Variants in SLC38A8 observed in about 807,000 individuals in gnomAD.
SLC38A8 encodes solute carrier family 38 member 8, also known as amino acid transporter SLC38A8.
SLC38A8 carries 65 observed loss-of-function variants against 46.0 expected under a neutral mutation model. The observed-to-expected ratio is 1.41, with a 90% CI of 1.16 to 1.74. SLC38A8 has a LOEUF of 1.74. SLC38A8 is among the 40% of genes most tolerant of loss of function. The pLI, the probability that SLC38A8 is intolerant of heterozygous loss-of-function variation, is 0.00. For missense variants in SLC38A8, 998 were observed against 567.9 expected (o/e 1.76, Z -7.70); for synonymous variants, 447 against 243.7 (o/e 1.83, Z -7.77).
At chr16:84,023,383 C>A (rs561135398) in intron 6 of SLC38A8, among the ~76,000 whole-genome samples, 93 of 152,158 alleles carry the variant, frequency 6.1e-4, no homozygotes, top group Non-Finnish European at 1.1e-3. Context: ...AAAAGCACCC[C>A]TCTGCACAAA....
intron 2 of SLC38A8, 110 bp downstream of exon 2, chr16:84,041,859 G>A (rs2085370578): frequency 3.1e-6 from 3 of 961,582 alleles, no homozygotes; most frequent in Admixed American, 2.5e-5. Context: ...AAACCCCGAA[G>A]CTATAGCTTA....
At chr16:84,021,901 T>A (rs937123867) in intron 7 of SLC38A8, among the ~76,000 whole-genome samples, 11 of 152,196 alleles carry the variant, frequency 7.2e-5, no homozygotes, top group Non-Finnish European at 1.5e-4. Flanking sequence ...GCGCAGAGTG[T>A]CACATGGCAA....
At chr16:84,033,074 T>G (rs991957480) in intron 4 of SLC38A8, among the ~76,000 whole-genome samples, 1 of 152,088 alleles carries the variant, frequency 6.6e-6, no homozygotes, top group African/African-American at 2.4e-5. Flanking sequence ...TCTCTCTCTC[T>G]GCAGCCATGT....
intron 7 of SLC38A8, among the ~76,000 whole-genome samples, chr16:84,022,574 G>T (rs1433051683): frequency 6.6e-6 from 1 of 152,228 alleles, no homozygotes; most frequent in African/African-American, 2.4e-5. Context: ...CCTCGAACAA[G>T]TTCTGGAGGG....
chr16:84,027,643 G>C lies in SLC38A8; in HGVS notation c.690+1851C>G, dbSNP rs74035104. ...GTTACATTTATTCTCCCCCGCTTCA[G>C]ATCCTGGCAGCCCCCACCTCTAGCC... is the stretch of plus-strand genomic sequence containing the variant. On this transcript the variant is annotated intron_variant, in intron 6 of 10. Coordinates refer to ENST00000299709, the MANE Select transcript of SLC38A8 (RefSeq NM_001080442.3). 5.5e-3 allele frequency among the ~76,000 whole-genome samples: 836 copies of C among 152,200 alleles called. 4 individuals carry two copies. The highest frequency in any genetic ancestry group is 0.019 in the African/African-American group (801 of 41,528).
chr16:84,036,090 T>G (rs1054631431), intron 3 of SLC38A8, among the ~76,000 whole-genome samples: 5 of 152,300 alleles, frequency 3.3e-5, no homozygotes, highest in Middle Eastern at 3.4e-3. Flanking sequence ...ACAGACTCCC[T>G]GACCATGATG....
chr16:84,039,451 G>A (rs1020371014), intron 2 of SLC38A8, among the ~76,000 whole-genome samples: 7 of 152,096 alleles, frequency 4.6e-5, no homozygotes, highest in African/African-American at 1.7e-4. Context: ...ATCTGTGGTT[G>A]AAAGGCAGGG....
At chr16:84,038,943 G>C (rs1417988456) in intron 2 of SLC38A8, among the ~76,000 whole-genome samples, 2 of 152,210 alleles carry the variant, frequency 1.3e-5, no homozygotes. Flanking sequence ...CTGTGAACGT[G>C]ACTTACTGGA....
intron 9 of SLC38A8, among the ~76,000 whole-genome samples, chr16:84,015,363 G>C (rs1335810982): frequency 6.6e-6 from 1 of 152,094 alleles, no homozygotes; most frequent in African/African-American, 2.4e-5. Flanking sequence ...GGTTTCCTAA[G>C]AAACCATCCT....
At chr16:84,024,839 C>A (rs1156433735) in intron 6 of SLC38A8, among the ~76,000 whole-genome samples, 1 of 151,978 alleles carries the variant, frequency 6.6e-6, no homozygotes, top group African/African-American at 2.4e-5. Context: ...ACAGGCACGC[C>A]CAGCTAATTT....
At chr16:84,029,454 C>G (rs1597268386) in intron 6 of SLC38A8, 40 bp downstream of exon 6, 1 of 1,609,938 alleles carries the variant, frequency 6.2e-7, no homozygotes, top group East Asian at 2.2e-5. Context: ...CCCACAGCCT[C>G]TGCAAACGCC....
chr16:84,029,083 G>T (rs1172571973), intron 6 of SLC38A8, among the ~76,000 whole-genome samples: 2 of 152,082 alleles, frequency 1.3e-5, no homozygotes, highest in Non-Finnish European at 2.9e-5. Context: ...CAAGGCCCTG[G>T]GCAGAGTCCA....
rs2085036420 is a variant in SLC38A8 at position 84,017,042 on chromosome 16, A to G, written c.953+98T>C. 4 of 1,476,470 alleles carry G rather than the reference A, an allele frequency of 2.7e-6. No individual in the cohort carries two copies. In the South Asian group the frequency reaches 5.3e-5, roughly 19 times the overall value. 91.5% of individuals were successfully genotyped at this position (1,476,470 alleles called of 1,614,324 possible). The stretch of plus-strand genomic sequence containing the variant: ...CCTGTCTACAATTGGAGAGGATGGT[A>G]GTCCCACAGCCGCGTAGCCCACACC... On this transcript the variant is annotated intron_variant, in intron 8 of 10. Coordinates refer to ENST00000299709, the MANE Select transcript of SLC38A8 (RefSeq NM_001080442.3).
chr16:84,012,830 C>G (rs1316404726), intron 10 of SLC38A8, among the ~76,000 whole-genome samples, 171 bp downstream of exon 10: 1 of 152,228 alleles, frequency 6.6e-6, no homozygotes, highest in Non-Finnish European at 1.5e-5. Context: ...GGCTCCTATC[C>G]TGGCTCAGAT....
chr16:84,031,832 G>A (rs369212881), intron 5 of SLC38A8, 35 bp downstream of exon 5: 25 of 1,590,202 alleles, frequency 1.6e-5, no homozygotes, highest in South Asian at 1.1e-4. Context: ...GTGCCTCCCC[G>A]CCGAGGCTGC....
rs757925866 is a variant in SLC38A8 at position 84,036,704 on chromosome 16, T to G, written c.386A>C (p.Lys129Thr). Residue 129 changes from lysine to threonine, a missense_variant and splice_region_variant, in exon 3 of 11, where the codon AAG becomes ACG. Physicochemically the swap from Lys to Thr is moderately conservative, Grantham distance 78. Transcript: ENST00000299709. ...FLRVIGDQLEKLCDSLLSGTP... is the reference protein window; with the variant it reads ...FLRVIGDQLETLCDSLLSGTP... ...CCGAGTCCCATGAAGGTACTTACGC[T>G]TCTCCAGCTGGTCCCCGATCACCCT... 3 of 1,614,086 alleles carry G rather than the reference T, an allele frequency of 1.9e-6. No homozygotes were observed. In the South Asian group the frequency reaches 3.3e-5, roughly 18 times the overall value.
chr16:84,020,533 C>G (rs776451132), intron 7 of SLC38A8, among the ~76,000 whole-genome samples: 16 of 152,194 alleles, frequency 1.1e-4, no homozygotes, highest in African/African-American at 3.1e-4. Context: ...TAGCAACGCA[C>G]GCATCCTGCC....
At chr16:84,030,949 C>G (rs762885897) in intron 5 of SLC38A8, among the ~76,000 whole-genome samples, 1 of 152,190 alleles carries the variant, frequency 6.6e-6, no homozygotes, top group African/African-American at 2.4e-5. Flanking sequence ...GTCTGGGACC[C>G]GGGATCTAGG....
At chr16:84,023,958 G>A (rs936359669) in intron 6 of SLC38A8, among the ~76,000 whole-genome samples, 2 of 152,182 alleles carry the variant, frequency 1.3e-5, no homozygotes, top group Non-Finnish European at 2.9e-5. Flanking sequence ...CAAGTTACAA[G>A]ATAAACACTT....
Sources: gnomAD v4.1 joint callset for allele counts (sites outside exome capture counted in the v4.1 genomes callset) on GRCh38, gnomAD v4.1.1 for gene constraint, MANE v1.5 for transcripts, NCBI Gene and HGNC (gene_info 2026-07-23, HGNC 2026-07-21) for gene names.